Variants in RPS3 observed in about 807,000 individuals in gnomAD.
RPS3 encodes the protein small ribosomal subunit protein uS3.
In RPS3, 2 loss-of-function variants were observed where a neutral mutation model predicts 25.8. The observed-to-expected ratio is 0.08, with a 90% CI of 0.03 to 0.24. The LOEUF (loss-of-function observed/expected upper bound fraction) is 0.24, where lower values mean the gene tolerates loss of function less well. Ranked by LOEUF, RPS3 falls within the 10% of genes least tolerant of loss-of-function variation. The pLI, the probability that RPS3 is intolerant of heterozygous loss-of-function variation, is 1.00. For missense variants in RPS3, 107 were observed against 307.1 expected, an observed-to-expected ratio of 0.35 and a Z score of 4.87; for synonymous variants, 114 against 114.2, an observed-to-expected ratio of 1.00 and a Z score of 0.01.
downstream of RPS3, among the ~76,000 whole-genome samples, chr11:75,409,581 ACTT>A (rs1565166641): frequency 1.4e-5 from 2 of 140,584 alleles, no homozygotes; most frequent in African/African-American, 2.7e-5. Context: ...TCCCATGTCT[ACTT>A]CTATCCACAC....
At chr11:75,411,785 T>G (rs773497903), downstream of RPS3, among the ~76,000 whole-genome samples, 1 of 152,234 alleles carries the variant, frequency 6.6e-6, no homozygotes, top group Admixed American at 6.5e-5. Context: ...ACAGGAGTGC[T>G]GTTCAGTAGA....
At chr11:75,415,686 A>G (rs10793118) in intron 6 of RPS3, among the ~76,000 whole-genome samples, 80,986 of 151,758 alleles carry the variant, frequency 0.53, 22,364 homozygotes, top group African/African-American at 0.65. Flanking sequence ...GGTGCCTGTA[A>G]TTCCAGCTAC....
At chr11:75,401,002 C>A (rs1948202042) in intron 2 of RPS3, among the ~76,000 whole-genome samples, 178 bp downstream of exon 2, 1 of 152,150 alleles carries the variant, frequency 6.6e-6, no homozygotes, top group Admixed American at 6.6e-5. Flanking sequence ...CCTGCGTCAG[C>A]CTCCCGAGTA....
downstream of RPS3, among the ~76,000 whole-genome samples, chr11:75,411,401 T>G (rs747085205): frequency 4.6e-5 from 7 of 151,852 alleles, no homozygotes; most frequent in Admixed American, 1.3e-4. Flanking sequence ...TTTATTTATT[T>G]ATTTTTGAGA....
intron 6 of RPS3, among the ~76,000 whole-genome samples, chr11:75,420,063 T>C (rs1226698393): frequency 6.6e-6 from 1 of 152,264 alleles, no homozygotes; most frequent in Non-Finnish European, 1.5e-5. Context: ...AAGTCTCTTA[T>C]GTTCTCAACA....
At chr11:75,399,634 C>T in intron 1 of RPS3, 57 bp downstream of exon 1, 3 of 1,524,542 alleles carry the variant, frequency 2.0e-6, no homozygotes, top group Non-Finnish European at 2.7e-6. Context: ...TCGAGGGCTT[C>T]TCGGGGTGCC....
Position 75,404,271 on chromosome 11 carries a change from T to G in RPS3, c.538+64T>G. ...ACAGATTTGGTTTTCCACAGACATCTTAAGTATTTGGGGGAGTTTATCATG... is the reference window on the plus strand; with the variant it reads ...ACAGATTTGGTTTTCCACAGACATCGTAAGTATTTGGGGGAGTTTATCATG... On this transcript the variant is annotated intron_variant, in intron 5 of 6. Transcript: ENST00000531188. This position sits in a 1 kb window ranked among gnomAD's most constrained non-coding sequence, Gnocchi z 4.6. 1 of 1,453,280 alleles carries G rather than the reference T, an allele frequency of 6.9e-7. No individual in the cohort carries two copies. The highest frequency in any genetic ancestry group is 9.6e-7 in the Non-Finnish European group (1 of 1,046,334). The allele number at this position is 1,453,280 out of a possible 1,614,324, so 90.0% of individuals were successfully genotyped here.
intron 4 of RPS3, chr11:75,403,639 T>A (rs1046604557): frequency 1.2e-5 from 2 of 163,144 alleles, no homozygotes; most frequent in African/African-American, 4.8e-5. Flanking sequence ...GGAGTGTAAA[T>A]GTGGTTCTCA....
chr11:75,413,894 G>A (rs763812569), intron 6 of RPS3, among the ~76,000 whole-genome samples: 2 of 152,212 alleles, frequency 1.3e-5, no homozygotes, highest in Non-Finnish European at 2.9e-5. Flanking sequence ...CAGAATCTAT[G>A]AGAAGCCTGG....
At chr11:75,408,016 G>T (rs148437907), downstream of RPS3, among the ~76,000 whole-genome samples, 64 of 152,294 alleles carry the variant, frequency 4.2e-4, 2 homozygotes, top group East Asian at 0.012. Flanking sequence ...GATTATTAGC[G>T]TAATAGATTA....
At chr11:75,402,595 C>T (rs1165646322) in intron 4 of RPS3, 149 bp downstream of exon 4, 8 of 766,440 alleles carry the variant, frequency 1.0e-5, no homozygotes, top group Non-Finnish European at 1.6e-5. Flanking sequence ...CATGCCCTCA[C>T]TGAACTGGCA....
chr11:75,406,425 AGGTGGCTGCTT>A lies in RPS3; in HGVS notation c.*816_*826del. The stretch of plus-strand genomic sequence containing the variant: ...GGGACTTCCAGGGAAAGCTGTTATC[AGGTGGCTGCTT>A]CCTGGTGATGCAGCCTGGCTGATGA... On this transcript the variant is annotated 3_prime_UTR_variant, in exon 7 of 7. Coordinates refer to ENST00000531188, the MANE Select transcript of RPS3 (RefSeq NM_001005.5). 1 of 152,350 alleles carries A rather than the reference AGGTGGCTGCTT, an allele frequency of 6.6e-6. No individual in the cohort carries two copies. Among genetic ancestry groups the A allele is most frequent in the African/African-American group, 2.4e-5 (1 of 41,574 alleles). The allele number at this position is 152,350 out of a possible 1,614,324, so 9.4% of individuals were successfully genotyped here.
At chr11:75,421,177 G>T (rs959126570) in intron 6 of RPS3, among the ~76,000 whole-genome samples, 2 of 152,182 alleles carry the variant, frequency 1.3e-5, no homozygotes, top group African/African-American at 4.8e-5. Flanking sequence ...CCTAATCTGG[G>T]ATAATCGGCG....
intron 6 of RPS3, among the ~76,000 whole-genome samples, chr11:75,419,499 A>G (rs997762376): frequency 2.0e-5 from 3 of 151,994 alleles, no homozygotes; most frequent in Non-Finnish European, 4.4e-5. Context: ...GGTTGCAGTG[A>G]GCTGAAATTG....
At chr11:75,417,924 GTGTGAGCAT>G (rs1948412306) in intron 6 of RPS3, among the ~76,000 whole-genome samples, 1 of 152,224 alleles carries the variant, frequency 6.6e-6, no homozygotes, top group African/African-American at 2.4e-5. Flanking sequence ...GCTTACTACT[GTGTGAGCAT>G]TGGCCAAAAT....
downstream of RPS3, among the ~76,000 whole-genome samples, chr11:75,410,633 CA>C (rs1353099424): frequency 4.6e-5 from 7 of 152,364 alleles, no homozygotes; most frequent in Admixed American, 1.3e-4. Flanking sequence ...GAGGCCAAGG[CA>C]GGCGGCTGGG....
downstream of RPS3, among the ~76,000 whole-genome samples, chr11:75,407,353 G>A (rs578246948): frequency 5.9e-5 from 9 of 152,248 alleles, no homozygotes; most frequent in Non-Finnish European, 1.3e-4. Flanking sequence ...GGCCAGGCTG[G>A]TCTCAAACTC....
At chr11:75,407,565 T>G (rs1016617217), downstream of RPS3, among the ~76,000 whole-genome samples, 1 of 152,198 alleles carries the variant, frequency 6.6e-6, no homozygotes, top group African/African-American at 2.4e-5. Context: ...CCCGCCTCCC[T>G]GGTTCACACC....
At chr11:75,403,126 A>G (rs916919901) in intron 4 of RPS3, 3 of 152,206 alleles carry the variant, frequency 2.0e-5, no homozygotes, top group Non-Finnish European at 4.4e-5. Context: ...AGGAAGGTTG[A>G]CTGGTAGGGA....
Sources: gnomAD v4.1 joint callset for allele counts (sites outside exome capture counted in the v4.1 genomes callset) on GRCh38, gnomAD v4.1.1 for gene constraint, Gnocchi (gnomAD v3.1) non-coding constraint, MANE v1.5 for transcripts, NCBI Gene and HGNC (gene_info 2026-07-23, HGNC 2026-07-21) for gene names.